SPAG16: variants seen among roughly 807,000 people sequenced by gnomAD.
SPAG16 encodes sperm-associated antigen 16 protein.
In SPAG16, 86 loss-of-function variants were observed where a neutral mutation model predicts 80.4. The observed-to-expected ratio is 1.07, with a 90% CI of 0.90 to 1.28. The LOEUF (loss-of-function observed/expected upper bound fraction) is 1.28, where lower values mean the gene tolerates loss of function less well. Ranked by LOEUF, SPAG16 falls within the 50% of genes most tolerant of loss-of-function variation. The pLI is 0.00. For synonymous variants in SPAG16, 294 were observed against 265.9 expected, an observed-to-expected ratio of 1.11 and a Z score of -1.03; for missense variants, 870 against 765.3, an observed-to-expected ratio of 1.14 and a Z score of -1.61.
At chr2:213,341,707 G>A (rs2064695979) in intron 6 of SPAG16, among the ~76,000 whole-genome samples, 3 of 151,792 alleles carry the variant, frequency 2.0e-5, no homozygotes, top group African/African-American at 7.3e-5. Flanking sequence ...AAATTTTTTT[G>A]TTTTAATTTT....
intron 10 of SPAG16, among the ~76,000 whole-genome samples, chr2:213,812,893 A>T (rs1204486198): frequency 6.6e-6 from 1 of 152,056 alleles, no homozygotes; most frequent in Non-Finnish European, 1.5e-5. Context: ...AGATAACCTG[A>T]AAGAAGGTTA....
rs1219278389 is a variant in SPAG16, at chr2:213,371,398, A to C, written c.833-3612A>C. On this transcript the variant is annotated intron_variant, in intron 8 of 15. Coordinates refer to ENST00000331683, the MANE Select transcript of SPAG16 (RefSeq NM_024532.5). ...GGCAACACAGCAAGACCGTGTCTCAAAAAAAAAAAAAAAAAAAAAAGAAAA... is the reference window on the plus strand; with the variant it reads ...GGCAACACAGCAAGACCGTGTCTCACAAAAAAAAAAAAAAAAAAAAGAAAA... Among the ~76,000 whole-genome samples, 3 of 10,548 alleles carry C rather than the reference A, an allele frequency of 2.8e-4. No individual in the cohort carries two copies. In the South Asian group the frequency reaches 0.028, roughly 98 times the overall value. The allele number at this position is 10,548 out of a possible 152,430, so 6.9% of individuals were successfully genotyped here.
intron 5 of SPAG16, among the ~76,000 whole-genome samples, chr2:213,335,571 T>C (rs866172045): frequency 1.4e-5 from 2 of 143,872 alleles, no homozygotes; most frequent in Non-Finnish European, 3.2e-5. Context: ...TGTCAGCTTA[T>C]GTTATTTGTC....
intron 13 of SPAG16, among the ~76,000 whole-genome samples, chr2:214,036,854 T>G (rs1007013052): frequency 6.6e-6 from 1 of 152,172 alleles, no homozygotes; most frequent in Admixed American, 6.5e-5. Flanking sequence ...TACTTCTTAG[T>G]GTTATTTATT....
intron 10 of SPAG16, among the ~76,000 whole-genome samples, chr2:213,632,898 C>T (rs577170541): frequency 1.3e-5 from 2 of 152,212 alleles, no homozygotes; most frequent in South Asian, 4.1e-4. Flanking sequence ...CTGTTTGCAT[C>T]AATATTCATC....
intron 13 of SPAG16, among the ~76,000 whole-genome samples, chr2:214,096,659 A>C (rs1180323895): frequency 1.3e-5 from 2 of 152,088 alleles, no homozygotes; most frequent in Admixed American, 6.6e-5. Flanking sequence ...AGAACAAAGA[A>C]ATAAAAAATA....
At chr2:213,471,213 A>T (rs1261641891) in intron 9 of SPAG16, among the ~76,000 whole-genome samples, 1 of 151,990 alleles carries the variant, frequency 6.6e-6, no homozygotes, top group African/African-American at 2.4e-5. Flanking sequence ...ATCATAGGTA[A>T]CTCCCCATGA....
chr2:213,677,787 G>C lies in SPAG16; in HGVS notation c.1071-184698G>C, dbSNP rs557582689. Among the ~76,000 whole-genome samples the C allele has an allele frequency of 2.6e-5, 4 of 152,152 alleles. No individual in the cohort carries two copies. In the South Asian group the frequency reaches 6.2e-4, roughly 24 times the overall value. On this transcript the variant is annotated intron_variant, in intron 10 of 15. Transcript: ENST00000331683. ...GCGGACCTAATAGACATCTATAGAA[G>C]TCTCCACCCCAAATCAACAGAATAT...
intron 15 of SPAG16, among the ~76,000 whole-genome samples, chr2:214,218,017 A>G (rs748566399): frequency 2.6e-5 from 4 of 152,222 alleles, no homozygotes; most frequent in Non-Finnish European, 4.4e-5. Flanking sequence ...ATTTTTTTTC[A>G]ATATGTATAA....
At chr2:213,954,675 A>G (rs753308248) in intron 12 of SPAG16, among the ~76,000 whole-genome samples, 3 of 152,132 alleles carry the variant, frequency 2.0e-5, no homozygotes, top group Non-Finnish European at 2.9e-5. Context: ...GTATATAACT[A>G]GGAGCTGAAT....
chr2:214,251,172 T>G (rs1334084807), intron 15 of SPAG16, among the ~76,000 whole-genome samples: 2 of 151,744 alleles, frequency 1.3e-5, no homozygotes, highest in African/African-American at 4.8e-5. Context: ...AGTTAGGGTT[T>G]GGGTGAATAT....
intron 15 of SPAG16, among the ~76,000 whole-genome samples, chr2:214,328,150 G>GTCTT (rs1215163747): frequency 5.4e-5 from 8 of 149,502 alleles, no homozygotes; most frequent in Non-Finnish European, 1.0e-4. Context: ...ATGTTTAGCA[G>GTCTT]TCTTTTTTTT....
intron 10 of SPAG16, among the ~76,000 whole-genome samples, chr2:213,587,679 A>G (rs1189886797): frequency 6.6e-6 from 1 of 152,166 alleles, no homozygotes; most frequent in Non-Finnish European, 1.5e-5. Flanking sequence ...TAGGCTGAGA[A>G]TTTTCCAATT....
intron 10 of SPAG16, among the ~76,000 whole-genome samples, chr2:213,713,202 A>G (rs2066082433): frequency 6.6e-6 from 1 of 152,192 alleles, no homozygotes; most frequent in South Asian, 2.1e-4. Context: ...AATTCAGATT[A>G]CAATTCAAGA....
intron 15 of SPAG16, among the ~76,000 whole-genome samples, chr2:214,265,017 A>T (rs568951283): frequency 6.6e-6 from 1 of 152,228 alleles, no homozygotes. Flanking sequence ...CAGTTTGTTT[A>T]TCATTTCACC....
chr2:213,641,200 A>C (rs1199686230), intron 10 of SPAG16, among the ~76,000 whole-genome samples: 1 of 152,162 alleles, frequency 6.6e-6, no homozygotes, highest in Non-Finnish European at 1.5e-5. Context: ...TGTGTCATAC[A>C]GGTTGTCAGG....
chr2:213,985,883 C>T (rs1418385825), intron 12 of SPAG16, among the ~76,000 whole-genome samples: 1 of 151,940 alleles, frequency 6.6e-6, no homozygotes, highest in Non-Finnish European at 1.5e-5. Context: ...AAGGAATGGC[C>T]CTCCAACATG....
chr2:214,209,614 T>TCTTA (rs1333309812), intron 15 of SPAG16, among the ~76,000 whole-genome samples: 8 of 152,182 alleles, frequency 5.3e-5, no homozygotes, highest in African/African-American at 1.7e-4. Flanking sequence ...GACCTAGTTG[T>TCTTA]CTTACCACAA....
chr2:214,175,420 A>G (rs368118327), intron 15 of SPAG16, among the ~76,000 whole-genome samples: 1 of 150,744 alleles, frequency 6.6e-6, no homozygotes, highest in East Asian at 2.0e-4. Context: ...CAACATGAGT[A>G]CGTCTCATCT....
Sources: gnomAD v4.1 joint callset for allele counts (sites outside exome capture counted in the v4.1 genomes callset) on GRCh38, gnomAD v4.1.1 for gene constraint, MANE v1.5 for transcripts, NCBI Gene and HGNC (gene_info 2026-07-23, HGNC 2026-07-21) for gene names.